Variants in MACROD2 observed in about 807,000 individuals in gnomAD.
The protein encoded by MACROD2 is mono-ADP ribosylhydrolase 2.
MACROD2 carries 36 observed loss-of-function variants against 70.4 expected under a neutral mutation model. The ratio of observed to expected loss-of-function variants is 0.51; its 90% CI spans 0.39 to 0.68. The LOEUF (loss-of-function observed/expected upper bound fraction) is 0.68. MACROD2 is among the 30% of genes least tolerant of loss of function. The pLI is 0.00. For missense variants in MACROD2, 496 were observed against 538.4 expected, an observed-to-expected ratio of 0.92 and a Z score of 0.78; for synonymous variants, 172 against 178.8, an observed-to-expected ratio of 0.96 and a Z score of 0.30.
intron 5 of MACROD2, among the ~76,000 whole-genome samples, chr20:14,749,485 A>G (rs2071841729): frequency 6.6e-6 from 1 of 152,108 alleles, no homozygotes; most frequent in South Asian, 2.1e-4. Flanking sequence ...GCTTAGAGAG[A>G]TGATATTTTA....
chr20:15,622,913 G>A (rs2049149307), intron 8 of MACROD2, among the ~76,000 whole-genome samples: 1 of 152,170 alleles, frequency 6.6e-6, no homozygotes. Flanking sequence ...AATAAGCATG[G>A]TGTATGAAGA....
intron 2 of MACROD2, among the ~76,000 whole-genome samples, chr20:14,011,654 G>A (rs966703239): frequency 1.3e-5 from 2 of 150,958 alleles, no homozygotes; most frequent in Non-Finnish European, 2.9e-5. Flanking sequence ...TCAGCCTCCC[G>A]ACTAGCTGGG....
chr20:14,042,644 T>C (rs1569130583), intron 2 of MACROD2, among the ~76,000 whole-genome samples: 1 of 152,198 alleles, frequency 6.6e-6, no homozygotes, highest in Non-Finnish European at 1.5e-5. Flanking sequence ...GGAATACAAG[T>C]ACGTGCCATC....
chr20:14,228,428 C>G (rs539441309), intron 3 of MACROD2, among the ~76,000 whole-genome samples: 2 of 151,248 alleles, frequency 1.3e-5, no homozygotes, highest in Admixed American at 1.3e-4. Context: ...AGCTCCATCT[C>G]CCGGGTTCAC....
chr20:14,449,532 T>C (rs2122981122), intron 3 of MACROD2, among the ~76,000 whole-genome samples: 1 of 152,252 alleles, frequency 6.6e-6, no homozygotes, highest in East Asian at 1.9e-4. Context: ...TAACTAATAC[T>C]GTACATAGTG....
In MACROD2 at chr20:14,446,580, C is replaced by T. The variant is rs529494582; in HGVS notation, c.272-46899C>T. ...CATTCATTTGCTGATTTGACTTCTA[C>T]ACTTATGTCTCCAATTCTTAACCAG... On this transcript the variant is annotated intron_variant, in intron 3 of 17. Transcript: ENST00000684519. Among the ~76,000 whole-genome samples, 9 of 152,080 alleles carry T rather than the reference C, an allele frequency of 5.9e-5. 1 individual carries two copies. Among genetic ancestry groups the T allele is most frequent in the Non-Finnish European group, 1.3e-4 (9 of 68,026 alleles).
chr20:15,351,397 A>G (rs749068948), intron 6 of MACROD2, among the ~76,000 whole-genome samples: 7 of 152,146 alleles, frequency 4.6e-5, no homozygotes, highest in African/African-American at 7.2e-5. Flanking sequence ...AGAAAAAAAT[A>G]TTTTACCAGA....
intron 5 of MACROD2, chr20:14,892,669 T>C (rs1001395228): frequency 4.6e-5 from 7 of 152,160 alleles, no homozygotes; most frequent in African/African-American, 1.4e-4. Flanking sequence ...TCTGTCTCCA[T>C]TGAACAACAA....
chr20:15,040,054 A>C (rs899118246), intron 5 of MACROD2, among the ~76,000 whole-genome samples: 6 of 152,110 alleles, frequency 3.9e-5, no homozygotes, highest in Admixed American at 3.3e-4. Context: ...TTCATATATG[A>C]GGGGAAAAGC....
At chr20:15,100,652 GT>G (rs1456740322) in intron 5 of MACROD2, among the ~76,000 whole-genome samples, 1 of 152,098 alleles carries the variant, frequency 6.6e-6, no homozygotes, top group Non-Finnish European at 1.5e-5. Context: ...AGTTGGCTAG[GT>G]TTTTTTGTGC....
chr20:14,639,709 T>G (rs1238461725), intron 4 of MACROD2, among the ~76,000 whole-genome samples: 1 of 152,230 alleles, frequency 6.6e-6, no homozygotes, highest in Non-Finnish European at 1.5e-5. Context: ...ACAGCAACTC[T>G]ACACCATCAA....
chr20:15,165,585 CAAATT>C (rs966386411), intron 5 of MACROD2, among the ~76,000 whole-genome samples: 3 of 152,304 alleles, frequency 2.0e-5, no homozygotes, highest in African/African-American at 7.2e-5. Context: ...AACCATAAAA[CAAATT>C]AATTCAGTAG....
chr20:14,602,374 C>T (rs572521391), intron 4 of MACROD2, among the ~76,000 whole-genome samples: 22 of 152,242 alleles, frequency 1.4e-4, no homozygotes, highest in Non-Finnish European at 2.2e-4. Context: ...ACTTTTTCAC[C>T]GTGGGCATGT....
chr20:15,234,566 A>G (rs934505540), intron 6 of MACROD2, among the ~76,000 whole-genome samples: 1 of 152,214 alleles, frequency 6.6e-6, no homozygotes, highest in African/African-American at 2.4e-5. Context: ...AGTCTAATGC[A>G]TATGACCTGA....
rs865863570 is a variant in MACROD2, at chr20:14,784,673, G to C, written c.418+99714G>C. On this transcript the variant is annotated intron_variant, in intron 5 of 17. Transcript: ENST00000684519. ...GAAAAGGATGGTGTTTTAAGTGGGG[G>C]GGGGGGGGCACCAGATTCAGTTACC... Among the ~76,000 whole-genome samples the C allele has an allele frequency of 7.9e-3, 960 of 121,226 alleles. 56 individuals are homozygous for C. The highest frequency in any genetic ancestry group is 0.033 in the Middle Eastern group (9 of 270). The allele number at this position is 121,226 out of a possible 152,430, so 79.5% of individuals were successfully genotyped here.
chr20:14,277,801 G>A (rs1483762090), intron 3 of MACROD2, among the ~76,000 whole-genome samples: 1 of 152,060 alleles, frequency 6.6e-6, no homozygotes, highest in African/African-American at 2.4e-5. Flanking sequence ...AATGGAAGAA[G>A]GTAATGTCAG....
At chr20:15,207,043 T>C (rs2076714879) in intron 5 of MACROD2, among the ~76,000 whole-genome samples, 1 of 152,150 alleles carries the variant, frequency 6.6e-6, no homozygotes, top group African/African-American at 2.4e-5. Context: ...GCCCATATTA[T>C]CTATGTTGTC....
chr20:15,785,960 A>G (rs558464922), intron 8 of MACROD2, among the ~76,000 whole-genome samples: 1 of 152,334 alleles, frequency 6.6e-6, no homozygotes, highest in Non-Finnish European at 1.5e-5. Flanking sequence ...TTTATAAAAT[A>G]CTTCTTCATA....
chr20:15,263,231 A>C (rs1030293970), intron 6 of MACROD2, among the ~76,000 whole-genome samples: 5 of 151,980 alleles, frequency 3.3e-5, no homozygotes, highest in African/African-American at 1.2e-4. Flanking sequence ...GGTGAGAGAT[A>C]AGGGTCTGGT....
Sources: allele counts gnomAD v4.1 joint callset (sites outside exome capture counted in the v4.1 genomes callset), GRCh38; gene constraint gnomAD v4.1.1; transcripts MANE v1.5; gene names NCBI Gene and HGNC (gene_info 2026-07-23, HGNC 2026-07-21).